Variants in EP400 observed in about 807,000 individuals in gnomAD.
EP400 encodes the protein E1A-binding protein p400.
Under a neutral mutation model 354.1 loss-of-function variants are expected in EP400, and 105 were observed. That is an observed-to-expected ratio of 0.30 (90% CI 0.25 to 0.35). The LOEUF is 0.35. EP400 is among the 10% of genes least tolerant of loss of function. The pLI, the probability that EP400 is intolerant of heterozygous loss-of-function variation, is 1.00. For synonymous variants in EP400, 1,646 were observed against 1,716.9 expected (o/e 0.96, Z 1.02); for missense variants, 3,280 against 4,121.0 (o/e 0.80, Z 5.59).
intron 32 of EP400, among the ~76,000 whole-genome samples, chr12:132,041,197 T>G (rs911687276): frequency 3.9e-5 from 6 of 152,248 alleles, no homozygotes; most frequent in Non-Finnish European, 5.9e-5. Flanking sequence ...GGCTATAGGA[T>G]TCTTCTGTCA....
At position 132,064,620 on chromosome 12, in the gene EP400, A is replaced by G. The variant is rs369274928; in HGVS notation, c.8335-48A>G. 5.7e-6 allele frequency: 9 copies of G among 1,587,662 alleles called. No homozygotes were observed. In the African/African-American group the frequency reaches 1.2e-4, roughly 21 times the overall value. On this transcript the variant is annotated intron_variant, in intron 47 of 52. Transcript: ENST00000389561. ...TAGGAACAAGATGTCTACTTAAAGA[A>G]TGGAGCACAGTTAATGTTGAAGAGA...
At chr12:131,953,698 A>G (rs928449715) in intron 1 of EP400, among the ~76,000 whole-genome samples, 5 of 152,244 alleles carry the variant, frequency 3.3e-5, no homozygotes, top group African/African-American at 7.2e-5. Context: ...TTGTTAGCAT[A>G]TAGATCTTGG....
At chr12:132,023,670 C>A in intron 23 of EP400, 107 bp from the exon 24 acceptor site, 1 of 968,172 alleles carries the variant, frequency 1.0e-6, no homozygotes, top group Non-Finnish European at 1.5e-6. Context: ...TGTGGTGCTT[C>A]AGTTTATGAT....
rs1565934574 is a variant in EP400 at position 132,064,855 on chromosome 12, C to T, written c.8522C>T (p.Thr2841Ile). The T allele has an allele frequency of 6.2e-7, 1 of 1,610,848 alleles. No homozygotes were observed. The highest frequency in any genetic ancestry group is 2.2e-5 in the East Asian group (1 of 44,828). Reference protein sequence around the residue: ...APRPGALLTGTTVANLQVARL... With the variant: ...APRPGALLTGITVANLQVARL... ...AGGCCTGGTGCCCTGCTGACGGGCACCACCGTGGCCAACCTCCAGGTGGCC... is the reference window on the plus strand; with the variant it reads ...AGGCCTGGTGCCCTGCTGACGGGCATCACCGTGGCCAACCTCCAGGTGGCC... Residue 2841 changes from threonine to isoleucine, a missense_variant, in exon 48 of 53, where the codon ACC becomes ATC. Thr to Ile is a moderately conservative substitution (Grantham distance 89). Around this residue, in one of 20 missense-constraint regions of EP400, gnomAD observed 279 missense variants for 386.7 expected, o/e 0.72. Coordinates refer to ENST00000389561, the MANE Select transcript of EP400 (RefSeq NM_015409.5).
In EP400 at chr12:132,030,068, T is replaced by C. The variant is rs1683255337; in HGVS notation, c.5664T>C (p.Ile1888=). The change falls in exon 29 of 53, where the codon ATT becomes ATC. Residue 1888 remains isoleucine (I), a synonymous_variant. Coordinates refer to ENST00000389561, the MANE Select transcript of EP400 (RefSeq NM_015409.5). ...GRRVLILSQM[I]LMLDILEMFL... ...GGGTGCTGATTTTATCACAGATGAT[T>C]CTTATGTTGGACATTTTAGAGATGT... The C allele has an allele frequency of 1.9e-6, 3 of 1,614,116 alleles. No individual in the cohort carries two copies. In the African/African-American group the frequency reaches 4.0e-5, roughly 22 times the overall value.
intron 32 of EP400, among the ~76,000 whole-genome samples, chr12:132,041,068 C>T (rs996161043): frequency 8.5e-5 from 13 of 152,166 alleles, no homozygotes; most frequent in Non-Finnish European, 1.5e-4. Context: ...AGGAGGATGG[C>T]TGCTCCTCAC....
intron 5 of EP400, among the ~76,000 whole-genome samples, chr12:131,984,530 C>T (rs1381391180): frequency 1.3e-5 from 2 of 152,110 alleles, no homozygotes; most frequent in Non-Finnish European, 2.9e-5. Context: ...CTGAGCTCTT[C>T]TAGGCCTTAC....
At position 132,050,132 on chromosome 12, in the gene EP400, GGCCGCGACAGCCACTTAAT is replaced by G. The variant is rs1173506901; in HGVS notation, c.7201-185_7201-167del. 2.0e-5 allele frequency among the ~76,000 whole-genome samples: 3 copies of G among 152,118 alleles called. No homozygotes were observed. The highest frequency in any genetic ancestry group is 7.2e-5 in the African/African-American group (3 of 41,414). ...TGGACTGGAGAGTGTCACAGCAGTC[GGCCGCGACAGCCACTTAAT>G]GCCGCTGCTGTTGGGTTATGCCTGA... On this transcript the variant is annotated intron_variant, in intron 39 of 52. Transcript: ENST00000389561. This position sits in a 1 kb window ranked among gnomAD's most constrained non-coding sequence, Gnocchi z 4.8.
In EP400 at chr12:132,021,214, C is replaced by T. The variant is rs747764686; in HGVS notation, c.4583C>T (p.Thr1528Ile). The stretch of plus-strand genomic sequence containing the variant: ...GCCCAGACCACAGCACAGGCCTCCA[C>T]CCCAGGCCAGCCCCCGCCCCAGCCC... ...LRAQTTAQAS[T>I]PGQPPPQPQA... The change falls in exon 23 of 53, where the codon ACC becomes ATC. Residue 1528 changes from threonine to isoleucine, a missense_variant. Coordinates refer to ENST00000389561, the MANE Select transcript of EP400 (RefSeq NM_015409.5). The T allele has an allele frequency of 3.8e-6, 6 of 1,596,254 alleles. No homozygotes were observed. Among genetic ancestry groups the T allele is most frequent in the Admixed American group, 1.7e-5 (1 of 59,678 alleles).
Position 132,031,988 on chromosome 12 carries a change from T to A in EP400, c.5790T>A (p.Ile1930=), listed in dbSNP as rs201145172. The part of the protein sequence containing the change: ...LMRSFNRDRR[I]FCAILSTHSR... ...GGAGTTTCAACAGAGACAGGCGGAT[T>A]TTTTGTGCCATTCTCTCCACTCACA... The change falls in exon 30 of 53, where the codon ATT becomes ATA. Residue 1930 remains isoleucine (I), a synonymous_variant. Coordinates refer to ENST00000389561, the MANE Select transcript of EP400 (RefSeq NM_015409.5). 6.2e-7 allele frequency: 1 copy of A among 1,613,320 alleles called. No individual in the cohort carries two copies. Among genetic ancestry groups the A allele is most frequent in the African/African-American group, 1.3e-5 (1 of 75,032 alleles).
intron 48 of EP400, chr12:132,065,213 G>C (rs1418547896): frequency 4.8e-6 from 2 of 417,808 alleles, no homozygotes; most frequent in Non-Finnish European, 8.7e-6. Flanking sequence ...GGCCTGTGTG[G>C]CTGGAGCAGA....
At chr12:132,044,342 GC>G (rs761650195) in intron 35 of EP400, 31 bp downstream of exon 35, 19 of 1,601,090 alleles carry the variant, frequency 1.2e-5, no homozygotes, top group Non-Finnish European at 1.5e-5. Flanking sequence ...CTGCCCTCTT[GC>G]CCCCCTGCTG....
intron 1 of EP400, among the ~76,000 whole-genome samples, chr12:131,960,185 G>T (rs1891831427): frequency 2.0e-5 from 3 of 152,190 alleles, no homozygotes; most frequent in Admixed American, 2.0e-4. Flanking sequence ...TGGCTGCGTG[G>T]CCTTGAACAG....
At chr12:131,963,672 T>G (rs745915824) in intron 2 of EP400, 1 of 1,553,892 alleles carries the variant, frequency 6.4e-7, no homozygotes, top group East Asian at 2.3e-5. Context: ...AAATGTAGTC[T>G]CATCCCAAAC....
At chr12:131,979,822 G>A in intron 3 of EP400, 29 bp downstream of exon 3, 2 of 1,561,172 alleles carry the variant, frequency 1.3e-6, no homozygotes, top group Non-Finnish European at 1.7e-6. Flanking sequence ...CGTGGCCTCG[G>A]GAATGCCCCC....
chr12:132,038,975 A>G lies in EP400; in HGVS notation c.6207+879A>G, dbSNP rs931334658. Among the ~76,000 whole-genome samples the G allele has an allele frequency of 6.6e-6, 1 of 152,166 alleles. No homozygotes were observed. The highest frequency in any genetic ancestry group is 2.1e-4 in the South Asian group (1 of 4,826). ...CTGTTTGACTGCAGCGCATGACTGC[A>G]TGGGCTTCTCTGTATGTTTTTTCTT... On this transcript the variant is annotated intron_variant, in intron 32 of 52. Coordinates refer to ENST00000389561, the MANE Select transcript of EP400 (RefSeq NM_015409.5). This position sits in a 1 kb window ranked among gnomAD's most constrained non-coding sequence, Gnocchi z 4.2.
rs562307369 is a variant in EP400, at chr12:132,055,699, TA to T, written c.7884+492del. On this transcript the variant is annotated intron_variant, in intron 45 of 52. Transcript: ENST00000389561. ...GGTGTAGGGGGGCGTGTGTGAAGTG[TA>T]GGGGTGTGTGTGTGTGTGAAGTGTA... 2.5e-5 allele frequency among the ~76,000 whole-genome samples: 3 copies of T among 121,464 alleles called. No homozygotes were observed. The South Asian group carries it at 9.1e-4, about 37-fold the overall frequency. 79.7% of individuals were successfully genotyped at this position (121,464 alleles called of 152,430 possible).
At chr12:131,978,669 C>T (rs1268090987) in intron 2 of EP400, among the ~76,000 whole-genome samples, 1 of 151,940 alleles carries the variant, frequency 6.6e-6, no homozygotes, top group East Asian at 1.9e-4. Flanking sequence ...CCATGCCTGG[C>T]TAACATTTTA....
chr12:131,982,472 G>C lies in EP400; in HGVS notation c.1923G>C (p.Leu641=). 1 of 1,601,802 alleles carries C rather than the reference G, an allele frequency of 6.2e-7. No homozygotes were observed. Among genetic ancestry groups the C allele is most frequent in the Non-Finnish European group, 8.5e-7 (1 of 1,171,458 alleles). ...TGCAGGCCTCTCAGCTTTCCTCCCT[G>C]CCACAGGTATGAGAAAAGATAGAGG... ...VQVQASQLSS[L]PQMVASTRLP... is the part of the protein sequence containing the mutation. The change falls in exon 5 of 53, where the codon CTG becomes CTC. Residue 641 remains leucine, a synonymous_variant. Transcript: ENST00000389561.
Sources: allele counts gnomAD v4.1 joint callset (sites outside exome capture counted in the v4.1 genomes callset), GRCh38; gene constraint gnomAD v4.1.1; regional missense constraint gnomAD v4.1.1; non-coding constraint Gnocchi (gnomAD v3.1); transcripts MANE v1.5; gene names NCBI Gene and HGNC (gene_info 2026-07-23, HGNC 2026-07-21).